Variants in GUF1 observed in about 807,000 individuals in gnomAD.
GUF1 encodes the protein GTP binding elongation factor GUF1, also known as translation factor GUF1, mitochondrial.
A neutral mutation model predicts 82.4 loss-of-function variants in GUF1; 78 were observed. The ratio of observed to expected loss-of-function variants is 0.95; its 90% CI spans 0.79 to 1.14. The LOEUF is 1.14. GUF1 is among the 50% of genes most tolerant of loss of function. The pLI is 0.00. For synonymous variants in GUF1, 279 were observed against 282.3 expected (o/e 0.99, Z 0.12); for missense variants, 814 against 798.2 (o/e 1.02, Z -0.24).
In GUF1 at chr4:44,683,236, T is replaced by G. The variant is rs370328831; in HGVS notation, c.587T>G (p.Ile196Arg). 1.3e-6 allele frequency: 2 copies of G among 1,549,958 alleles called. No homozygotes were observed. Among genetic ancestry groups the G allele is most frequent in the Non-Finnish European group, 1.7e-6 (2 of 1,143,356 alleles). The stretch of plus-strand genomic sequence containing the variant: ...CATAATGGATTTTTTTTTTTAAAGA[T>G]AGATCTGAAGAATGCTGATCCTGAA... ...QLSVIPVINK[I>R]DLKNADPERV... Residue 196 changes from isoleucine (I) to arginine (R), a missense_variant and splice_region_variant, in exon 6 of 17, where the codon ATA (isoleucine) becomes AGA (arginine). Ile to Arg is a moderately conservative substitution (Grantham distance 97). Coordinates refer to ENST00000281543, the MANE Select transcript of GUF1 (RefSeq NM_021927.3).
intron 9 of GUF1, among the ~76,000 whole-genome samples, chr4:44,689,017 TTTTC>T (rs1283559668): frequency 1.3e-5 from 2 of 151,842 alleles, no homozygotes. Flanking sequence ...ATGTTTTTTT[TTTTC>T]TTTTCCCTGT....
In GUF1 at chr4:44,686,854, C is replaced by G. The variant is rs1013466944; in HGVS notation, c.938+141C>G. 7 of 612,998 alleles carry G rather than the reference C, an allele frequency of 1.1e-5. No homozygotes were observed. In the African/African-American group the frequency reaches 1.3e-4, roughly 11 times the overall value. The allele number at this position is 612,998 out of a possible 1,614,324, so 38.0% of individuals were successfully genotyped here. The stretch of plus-strand genomic sequence containing the variant: ...TTAATGCAACTATACAGTAAATGCT[C>G]TGTCAAGGAATCTCATGGGAAGGAC... On this transcript the variant is annotated intron_variant, in intron 8 of 16. Coordinates refer to ENST00000281543, the MANE Select transcript of GUF1 (RefSeq NM_021927.3).
intron 15 of GUF1, among the ~76,000 whole-genome samples, chr4:44,695,952 G>A (rs994717557): frequency 1.3e-5 from 2 of 152,066 alleles, no homozygotes; most frequent in Non-Finnish European, 2.9e-5. Flanking sequence ...TTAGTATAAC[G>A]TATACGAGTT....
intron 15 of GUF1, 29 bp from the exon 16 acceptor site, chr4:44,697,379 G>A: frequency 6.8e-7 from 1 of 1,477,156 alleles, no homozygotes; most frequent in Non-Finnish European, 9.3e-7. Context: ...ATGGAATTAT[G>A]TACTTAAACG....
Position 44,686,715 on chromosome 4 carries a change from T to C in GUF1, c.938+2T>C, listed in dbSNP as rs1157499970. On this transcript the variant is annotated splice_donor_variant, in intron 8 of 16. Coordinates refer to ENST00000281543, the MANE Select transcript of GUF1 (RefSeq NM_021927.3). LOFTEE classifies it high-confidence loss of function. ...TAATGAGCAGCCAACTCATAAATTG[T>C]AAGTAATCTGCATTAGTAAAATTAA... 1 of 1,578,468 alleles carries C rather than the reference T, an allele frequency of 6.3e-7. No individual in the cohort carries two copies. Among genetic ancestry groups the C allele is most frequent in the South Asian group, 1.1e-5 (1 of 90,266 alleles).
intron 3 of GUF1, 30 bp downstream of exon 3, chr4:44,680,872 G>A (rs1228560297): frequency 1.9e-6 from 3 of 1,561,940 alleles, no homozygotes; most frequent in Non-Finnish European, 2.6e-6. Context: ...TGCATGTATT[G>A]TTAAAGTCAA....
At chr4:44,696,959 G>T (rs1203785801) in intron 15 of GUF1, among the ~76,000 whole-genome samples, 2 of 152,170 alleles carry the variant, frequency 1.3e-5, no homozygotes, top group Middle Eastern at 3.4e-3. Context: ...TAACTGCTGG[G>T]GTGGATATAT....
At position 44,678,516 on chromosome 4, in the gene GUF1, G is replaced by GT. The variant is rs1714556709; in HGVS notation, c.-104dup. 2 of 900,282 alleles carry GT rather than the reference G, an allele frequency of 2.2e-6. No individual in the cohort carries two copies. The highest frequency in any genetic ancestry group is 3.1e-6 in the Non-Finnish European group (2 of 646,024). The allele number at this position is 900,282 out of a possible 1,614,324, so 55.8% of individuals were successfully genotyped here. On this transcript the variant is annotated 5_prime_UTR_variant, in exon 1 of 17. Coordinates refer to ENST00000281543, the MANE Select transcript of GUF1 (RefSeq NM_021927.3). ...TCATTGTCTTCGCTTCACAGGATCT[G>GT]TTTGAGTCCTGTCCACCGGATCCTA...
chr4:44,680,229 A>G (rs899787990), intron 1 of GUF1, among the ~76,000 whole-genome samples: 2 of 152,144 alleles, frequency 1.3e-5, no homozygotes, highest in Non-Finnish European at 2.9e-5. Context: ...AGGGATTATG[A>G]TTTAGCTGTA....
At position 44,691,669 on chromosome 4, in the gene GUF1, CGAA is replaced by C. The variant is rs1265922554; in HGVS notation, c.1486_1488del (p.Arg496del). On this transcript the variant is annotated inframe_deletion, in exon 13 of 17. Transcript: ENST00000281543. ...ATTTTCTTCCTTCCCTTTTTAGGCT[CGAA>C]GAGCAGTTCAGAAGAATATGATATT... The C allele has an allele frequency of 1.3e-6, 2 of 1,584,650 alleles. No individual in the cohort carries two copies. The highest frequency in any genetic ancestry group is 2.7e-5 in the African/African-American group (2 of 73,420).
At chr4:44,682,574 A>G (rs531336177) in intron 5 of GUF1, 163 bp downstream of exon 5, 2 of 388,282 alleles carry the variant, frequency 5.2e-6, no homozygotes. Context: ...AGTGCAACTG[A>G]AACTCACCCT....
intron 4 of GUF1, among the ~76,000 whole-genome samples, chr4:44,681,760 G>C (rs1430963751): frequency 6.6e-6 from 1 of 151,906 alleles, no homozygotes; most frequent in Non-Finnish European, 1.5e-5. Flanking sequence ...TTTTAGTGGT[G>C]GTGGTGACCG....
In GUF1 at chr4:44,686,532, CCT is replaced by C; in HGVS notation, c.760_761del (p.Leu254GlufsTer6). On this transcript the variant is annotated frameshift_variant, in exon 8 of 17. Transcript: ENST00000281543. LOFTEE classifies it high-confidence loss of function. ...TAGTCCTAAAGTGCATCGCAAAAATCCTCTGAGAGCTTTGGTATTTGACTCCA... is the reference window on the plus strand; with the variant it reads ...TAGTCCTAAAGTGCATCGCAAAAATCCTGAGAGCTTTGGTATTTGACTCCA... ...IPPPKVHRKNPLRALVFDSTF... is the reference protein window; with the variant it reads ...IPPPKVHRKNXLRALVFDSTF... 1.2e-6 allele frequency: 2 copies of C among 1,611,218 alleles called. No individual in the cohort carries two copies. Among genetic ancestry groups the C allele is most frequent in the Non-Finnish European group, 1.7e-6 (2 of 1,178,144 alleles).
At chr4:44,696,487 A>C (rs76460330) in intron 15 of GUF1, among the ~76,000 whole-genome samples, 1,985 of 152,310 alleles carry the variant, frequency 0.013, 37 homozygotes, top group African/African-American at 0.045. Context: ...CAGCAGGTGC[A>C]GGATGTGTCT....
intron 15 of GUF1, among the ~76,000 whole-genome samples, chr4:44,697,026 A>G (rs1249973269): frequency 6.6e-6 from 1 of 152,164 alleles, no homozygotes; most frequent in Non-Finnish European, 1.5e-5. Flanking sequence ...GATAATAAAC[A>G]TATTTTGTTT....
Position 44,688,470 on chromosome 4 carries a change from T to C in GUF1, c.1078+324T>C, listed in dbSNP as rs866020218. The stretch of plus-strand genomic sequence containing the variant: ...AACATTTTTCTAATTAGGATGTTCT[T>C]ATTAGTAATTATCAGTAGACACTGA... On this transcript the variant is annotated intron_variant, in intron 9 of 16. Coordinates refer to ENST00000281543, the MANE Select transcript of GUF1 (RefSeq NM_021927.3). Among the ~76,000 whole-genome samples the C allele has an allele frequency of 1.5e-4, 23 of 152,054 alleles. No individual in the cohort carries two copies. In the Middle Eastern group the frequency reaches 0.01, roughly 67 times the overall value.
chr4:44,685,981 ATGTTGAGAGTG>A lies in GUF1; in HGVS notation c.694_704del (p.Val232SerfsTer6), dbSNP rs1256111696. 6.2e-7 allele frequency: 1 copy of A among 1,606,446 alleles called. No individual in the cohort carries two copies. The highest frequency in any genetic ancestry group is 1.3e-5 in the African/African-American group (1 of 74,710). On this transcript the variant is annotated frameshift_variant, in exon 7 of 17. Transcript: ENST00000281543. LOFTEE classifies it high-confidence loss of function. ...TAGATTTCTGCTAAACTTGGAACAAATGTTGAGAGTGTTCTTCAGGCAATTATTGAAAGAAT... is the reference window on the plus strand; with the variant it reads ...TAGATTTCTGCTAAACTTGGAACAAATTCTTCAGGCAATTATTGAAAGAAT...
chr4:44,688,492 C>T (rs1715210950), intron 9 of GUF1, among the ~76,000 whole-genome samples: 1 of 151,874 alleles, frequency 6.6e-6, no homozygotes, highest in Admixed American at 6.6e-5. Flanking sequence ...TCAGTAGACA[C>T]TGACTGAGTG....
In GUF1 at chr4:44,689,843, G is replaced by A; in HGVS notation, c.1203G>A (p.Arg401=). Residue 401 remains arginine (R), a splice_region_variant and synonymous_variant, in exon 11 of 17, where the codon AGG becomes AGA. Transcript: ENST00000281543. ...DSSLALGAGW[R]LGFLGLLHME... ...TGGAGTTTGTCTTTTCCTCCCCCAG[G>A]CTAGGATTTCTTGGACTTTTGCACA... is the stretch of plus-strand genomic sequence containing the variant. 6.3e-7 allele frequency: 1 copy of A among 1,597,654 alleles called. No individual in the cohort carries two copies.
Sources: gnomAD v4.1 joint callset for allele counts (sites outside exome capture counted in the v4.1 genomes callset) on GRCh38, gnomAD v4.1.1 for gene constraint, MANE v1.5 for transcripts, NCBI Gene and HGNC (gene_info 2026-07-23, HGNC 2026-07-21) for gene names.